Variants in FHL3 observed in about 807,000 individuals in gnomAD.
FHL3 encodes the protein four and a half LIM domains protein 3.
FHL3 carries 21 observed loss-of-function variants against 34.3 expected under a neutral mutation model. The ratio of observed to expected loss-of-function variants is 0.61; its 90% confidence interval spans 0.43 to 0.88. The LOEUF (loss-of-function observed/expected upper bound fraction) is 0.88, where lower values mean the gene tolerates loss of function less well. FHL3 is among the 40% of genes least tolerant of loss of function. The pLI is 0.00. For synonymous variants in FHL3, 137 were observed against 144.6 expected, an observed-to-expected ratio of 0.95 and a Z score of 0.38; for missense variants, 333 against 373.7, an observed-to-expected ratio of 0.89 and a Z score of 0.90.
intron 1 of FHL3, among the ~76,000 whole-genome samples, chr1:38,003,179 C>CA (rs1005405019): frequency 6.0e-5 from 9 of 149,058 alleles, no homozygotes; most frequent in Admixed American, 2.0e-4. Flanking sequence ...AAAACAACAA[C>CA]AAAAAAAACA....
At position 37,997,976 on chromosome 1, in the gene FHL3, G is replaced by A. The variant is rs895239579; in HGVS notation, c.488C>T (p.Ala163Val). ...CYENKFAPRC[A>V]RCSKTLTQGG... ...CCCAGCCCCCACCTTGCTGCAGCGG[G>A]CGCAGCGAGGAGCAAACTTGTTCTC... Residue 163 changes from alanine to valine, a missense_variant, in exon 4 of 6, where the codon GCC becomes GTC. By Grantham distance (64) the Ala-to-Val change is moderately conservative (BLOSUM62 0). Transcript: ENST00000373016. This position sits in a 1 kb window ranked among gnomAD's most constrained non-coding sequence, Gnocchi z 4.3. 1.5e-5 allele frequency: 24 copies of A among 1,614,018 alleles called. No individual in the cohort carries two copies. Among genetic ancestry groups the A allele is most frequent in the Non-Finnish European group, 1.9e-5 (22 of 1,180,004 alleles).
chr1:38,002,697 T>A (rs1646607608), intron 1 of FHL3, among the ~76,000 whole-genome samples: 1 of 151,916 alleles, frequency 6.6e-6, no homozygotes. Context: ...GGCACCACCA[T>A]GCCCAGCTAA....
In FHL3 at chr1:38,002,850, C is replaced by CAA. The variant is rs545136763; in HGVS notation, c.-21+2506_-21+2507insTT. On this transcript the variant is annotated intron_variant, in intron 1 of 5. Coordinates refer to ENST00000373016, the MANE Select transcript of FHL3 (RefSeq NM_004468.5). Reference sequence around the variant, plus strand: ...GGAGTGCAGTGGCACGATCATGGCTCACGGCAGCCTCGAACTTCTGTGCTC... The same window carrying CAA: ...GGAGTGCAGTGGCACGATCATGGCTCAAACGGCAGCCTCGAACTTCTGTGCTC... 3.6e-3 allele frequency among the ~76,000 whole-genome samples: 540 copies of CAA among 151,032 alleles called. 3 individuals carry two copies. Among genetic ancestry groups the CAA allele is most frequent in the Non-Finnish European group, 6.0e-3 (406 of 67,850 alleles).
At chr1:37,998,601 G>A (rs766333459) in intron 3 of FHL3, 159 of 283,304 alleles carry the variant, frequency 5.6e-4, no homozygotes, top group Non-Finnish European at 1.0e-3. Context: ...CATAGGTGCT[G>A]AGTCCCAGCA....
chr1:38,000,832 A>T (rs1242532641), intron 1 of FHL3, among the ~76,000 whole-genome samples: 2 of 152,030 alleles, frequency 1.3e-5, no homozygotes, highest in African/African-American at 4.8e-5. Flanking sequence ...AACCACCAGG[A>T]CCCATAGGAA....
At chr1:37,999,815 C>A (rs1191355653) in intron 1 of FHL3, among the ~76,000 whole-genome samples, 1 of 152,222 alleles carries the variant, frequency 6.6e-6, no homozygotes, top group Non-Finnish European at 1.5e-5. Flanking sequence ...CCCCACTCTA[C>A]TCCTTATGAG....
intron 1 of FHL3, among the ~76,000 whole-genome samples, chr1:38,002,138 G>A (rs887447713): frequency 6.7e-6 from 1 of 149,608 alleles, no homozygotes; most frequent in Non-Finnish European, 1.5e-5. Flanking sequence ...TCGCTCTGTC[G>A]CCCAGGCTGG....
chr1:38,002,707 A>AT (rs1646607898), intron 1 of FHL3, among the ~76,000 whole-genome samples: 2 of 150,694 alleles, frequency 1.3e-5, no homozygotes, highest in South Asian at 4.2e-4. Flanking sequence ...TGCCCAGCTA[A>AT]TTTTTGTATT....
At chr1:37,999,921 C>T (rs555831577) in intron 1 of FHL3, among the ~76,000 whole-genome samples, 16 of 152,276 alleles carry the variant, frequency 1.1e-4, no homozygotes, top group Non-Finnish European at 1.5e-4. Flanking sequence ...AACTTAGAGA[C>T]GGGAATGGGC....
chr1:37,999,193 C>T, intron 2 of FHL3, 45 bp from the exon 3 acceptor site: 4 of 1,613,812 alleles, frequency 2.5e-6, no homozygotes, highest in Non-Finnish European at 3.4e-6. Flanking sequence ...GCCTCATGGA[C>T]CCATCCTTTG....
rs192670727 is a variant in FHL3 at position 37,999,106 on chromosome 1, G to A, written c.199C>T (p.Arg67Cys). 2.2e-4 allele frequency: 360 copies of A among 1,614,182 alleles called. 2 individuals are homozygous for A. The highest frequency in any genetic ancestry group is 1.6e-3 in the South Asian group (143 of 91,088). The stretch of plus-strand genomic sequence containing the variant: ...AGTGAGCGCTGGCAGCGGCAGCAGC[G>A]GAAGCAGCCCTCGTGGAAATGGCGG... The part of the protein sequence containing the change: ...EDRHFHEGCF[R>C]CCRCQRSLAD... Residue 67 changes from arginine to cysteine, a missense_variant, in exon 3 of 6, where the codon CGC becomes TGC. By Grantham distance (180) the Arg-to-Cys change is radical (BLOSUM62 -3). Transcript: ENST00000373016.
chr1:37,997,305 T>A lies in FHL3; in HGVS notation c.*100A>T, dbSNP rs757531303. Reference sequence around the variant, plus strand: ...ATCCTGGAGCCCAGAAGGAGACCCATTTTTTTTGGCGGGGGGAGCTGAGTC... The same window carrying A: ...ATCCTGGAGCCCAGAAGGAGACCCAATTTTTTTGGCGGGGGGAGCTGAGTC... On this transcript the variant is annotated 3_prime_UTR_variant, in exon 6 of 6. Coordinates refer to ENST00000373016, the MANE Select transcript of FHL3 (RefSeq NM_004468.5). This position sits in a 1 kb window ranked among gnomAD's most constrained non-coding sequence, Gnocchi z 4.3. The A allele has an allele frequency of 1.6e-6, 2 of 1,233,864 alleles. No homozygotes were observed. The highest frequency in any genetic ancestry group is 1.1e-6 in the Non-Finnish European group (1 of 891,614). The allele number at this position is 1,233,864 out of a possible 1,614,324, so 76.4% of individuals were successfully genotyped here. A position where few individuals can be genotyped will look rare whatever the true frequency, so the allele number is the denominator to read the frequency against.
intron 1 of FHL3, among the ~76,000 whole-genome samples, chr1:38,000,751 GCTC>G (rs1400230807): frequency 6.6e-6 from 1 of 152,106 alleles, no homozygotes; most frequent in Non-Finnish European, 1.5e-5. Context: ...CAAAGTCAGA[GCTC>G]CCACCCCTGC....
In FHL3 at chr1:37,998,000, T is replaced by C; in HGVS notation, c.464A>G (p.Glu155Gly). The change falls in exon 4 of 6, where the codon GAG (glutamate) becomes GGG (glycine). Residue 155 changes from glutamate to glycine, a missense_variant. Glu to Gly is a moderately conservative substitution (Grantham distance 98, BLOSUM62 -2). Coordinates refer to ENST00000373016, the MANE Select transcript of FHL3 (RefSeq NM_004468.5). The surrounding 1 kb of genome is among the most constrained non-coding windows in gnomAD (Gnocchi z 4.3). The stretch of plus-strand genomic sequence containing the variant: ...GGCGCAGCGAGGAGCAAACTTGTTC[T>C]CATAGCAGGGCACGCAGTAGTGAGC... ...KGAHYCVPCY[E>G]NKFAPRCARC... is the part of the protein sequence containing the mutation. 1.2e-6 allele frequency: 2 copies of C among 1,614,142 alleles called. No homozygotes were observed. The highest frequency in any genetic ancestry group is 1.7e-6 in the Non-Finnish European group (2 of 1,179,994).
intron 3 of FHL3, 64 bp downstream of exon 3, chr1:37,998,910 A>G: frequency 6.6e-7 from 1 of 1,506,162 alleles, no homozygotes; most frequent in Non-Finnish European, 9.2e-7. Context: ...TGTATCAGAC[A>G]GACACATGCA....
intron 1 of FHL3, among the ~76,000 whole-genome samples, chr1:38,001,337 T>C (rs1457263678): frequency 6.6e-6 from 1 of 152,196 alleles, no homozygotes; most frequent in Non-Finnish European, 1.5e-5. Flanking sequence ...GTGGAATGCG[T>C]CCACAGGGGG....
Position 37,999,052 on chromosome 1 carries a change from T to C in FHL3, c.253A>G (p.Ser85Gly), listed in dbSNP as rs1646565593. The change falls in exon 3 of 6, where the codon AGT becomes GGT. Residue 85 changes from serine (S) to glycine (G), a missense_variant. Physicochemically the swap from Ser to Gly is moderately conservative, Grantham distance 56 (BLOSUM62 0). Coordinates refer to ENST00000373016, the MANE Select transcript of FHL3 (RefSeq NM_004468.5). ...LADEPFTCQD[S>G]ELLCNDCYCS... is the part of the protein sequence containing the mutation. The stretch of plus-strand genomic sequence containing the variant: ...TAGCAGTCATTGCAGAGCAGCTCAC[T>C]GTCCTGGCAGGTGAAGGGTTCATCG... 4 of 1,614,246 alleles carry C rather than the reference T, an allele frequency of 2.5e-6. No individual in the cohort carries two copies. Among genetic ancestry groups the C allele is most frequent in the Non-Finnish European group, 3.4e-6 (4 of 1,180,048 alleles).
chr1:37,997,318 G>A lies in FHL3; in HGVS notation c.*87C>T. 1 of 1,429,960 alleles carries A rather than the reference G, an allele frequency of 7.0e-7. No homozygotes were observed. The highest frequency in any genetic ancestry group is 9.5e-7 in the Non-Finnish European group (1 of 1,057,638). 88.6% of individuals were successfully genotyped at this position (1,429,960 alleles called of 1,614,324 possible). The stretch of plus-strand genomic sequence containing the variant: ...GAAGGAGACCCATTTTTTTTGGCGG[G>A]GGGAGCTGAGTCCCAGAGGTGGTTT... On this transcript the variant is annotated 3_prime_UTR_variant, in exon 6 of 6. Coordinates refer to ENST00000373016, the MANE Select transcript of FHL3 (RefSeq NM_004468.5). The surrounding 1 kb of genome is among the most constrained non-coding windows in gnomAD (Gnocchi z 4.3).
intron 3 of FHL3, 68 bp from the exon 4 acceptor site, chr1:37,998,200 C>T (rs1646555490): frequency 7.0e-7 from 1 of 1,429,554 alleles, no homozygotes; most frequent in Admixed American, 1.8e-5. Context: ...TCTGTAACTT[C>T]CCCAGGAGTC....
Sources: gnomAD v4.1 joint callset for allele counts (sites outside exome capture counted in the v4.1 genomes callset) on GRCh38, gnomAD v4.1.1 for gene constraint, Gnocchi (gnomAD v3.1) non-coding constraint, MANE v1.5 for transcripts, NCBI Gene and HGNC (gene_info 2026-07-23, HGNC 2026-07-21) for gene names.